FNDC4: variants seen among roughly 807,000 people sequenced by gnomAD.
FNDC4 encodes fibronectin type III domain containing 4, also known as fibronectin type III domain-containing protein 4.
A neutral mutation model predicts 25.1 loss-of-function variants in FNDC4; 11 were observed. The observed-to-expected ratio is 0.44, with a 90% CI of 0.28 to 0.73. FNDC4 has a LOEUF of 0.73. Ranked by LOEUF, FNDC4 falls within the 30% of genes least tolerant of loss-of-function variation. The probability of loss-of-function intolerance (pLI) is 0.16; values close to 1 mark genes in which losing one functional copy is unlikely to be tolerated. For missense variants in FNDC4, 250 were observed against 304.3 expected (o/e 0.82, Z 1.33); for synonymous variants, 136 against 118.8 (o/e 1.14, Z -0.94).
Position 27,494,214 on chromosome 2 carries a change from C to A in FNDC4, c.250-80G>T. On this transcript the variant is annotated intron_variant, in intron 3 of 6. Coordinates refer to ENST00000264703, the MANE Select transcript of FNDC4 (RefSeq NM_022823.3). The surrounding 1 kb of genome is among the most constrained non-coding windows in gnomAD (Gnocchi z 4.6). ...GGCTCAACCAGAGACTCTTCAACAT[C>A]CAAGCACTCCGGGGGAGTAGCGTGA... The A allele has an allele frequency of 1.4e-6, 2 of 1,461,764 alleles. No homozygotes were observed. Among genetic ancestry groups the A allele is most frequent in the Admixed American group, 1.9e-5 (1 of 53,500 alleles). 90.5% of individuals were successfully genotyped at this position (1,461,764 alleles called of 1,614,324 possible).
intron 4 of FNDC4, 48 bp downstream of exon 4, chr2:27,493,882 C>T (rs1669316584): frequency 6.4e-7 from 1 of 1,563,662 alleles, no homozygotes; most frequent in East Asian, 2.2e-5. Flanking sequence ...AAGTAAGAGG[C>T]TGCAAGCCAG....
chr2:27,494,757 TCGGGGGGCAGCAGC>T lies in FNDC4; in HGVS notation c.-24-68_-24-55del. Reference sequence around the variant, plus strand: ...AAGGACTGCCCAGAACGCACGGAGGTCGGGGGGCAGCAGCTCTCCTGGGCTCCCCACAGCTCACA... The same window carrying T: ...AAGGACTGCCCAGAACGCACGGAGGTTCTCCTGGGCTCCCCACAGCTCACA... On this transcript the variant is annotated intron_variant, in intron 1 of 6. Transcript: ENST00000264703. The surrounding 1 kb of genome is among the most constrained non-coding windows in gnomAD (Gnocchi z 4.6). 1.2e-6 allele frequency: 1 copy of T among 837,370 alleles called. No individual in the cohort carries two copies. The highest frequency in any genetic ancestry group is 1.8e-6 in the Non-Finnish European group (1 of 548,898). The allele number at this position is 837,370 out of a possible 1,614,324, so 51.9% of individuals were successfully genotyped here.
Position 27,494,483 on chromosome 2 carries a change from G to T in FNDC4, c.134-17C>A, listed in dbSNP as rs755817866. ...GAGGCCGGTCTGCGGGAGCCAGGGT[G>T]TTTAACAGGTTTCACCCATTGACTA... On this transcript the variant is annotated splice_polypyrimidine_tract_variant and intron_variant, in intron 2 of 6. Transcript: ENST00000264703. The surrounding 1 kb of genome is among the most constrained non-coding windows in gnomAD (Gnocchi z 4.6). 1.2e-6 allele frequency: 2 copies of T among 1,613,662 alleles called. No homozygotes were observed. The highest frequency in any genetic ancestry group is 1.7e-6 in the Non-Finnish European group (2 of 1,179,762).
Position 27,493,842 on chromosome 2 carries a change from C to A in FNDC4, c.454+88G>T. 9 of 1,204,996 alleles carry A rather than the reference C, an allele frequency of 7.5e-6. No individual in the cohort carries two copies. In the South Asian group the frequency reaches 1.0e-4, roughly 14 times the overall value. The allele number at this position is 1,204,996 out of a possible 1,614,324, so 74.6% of individuals were successfully genotyped here. A position where few individuals can be genotyped will look rare whatever the true frequency, so the allele number is the denominator to read the frequency against. On this transcript the variant is annotated intron_variant, in intron 4 of 6. Transcript: ENST00000264703. ...ATGAATTAAATCATCCTATTCAACT[C>A]AGCTAGTCTGTTGCTTGTCTTGGGG...
Position 27,492,416 on chromosome 2 carries a change from A to G in FNDC4, c.*27T>C, listed in dbSNP as rs1480690642. ...CATCCCTATCCCCAGTTGTTAGTGCATCTCTCTTCTGGGTGTGTTTCTTCA... is the reference window on the plus strand; with the variant it reads ...CATCCCTATCCCCAGTTGTTAGTGCGTCTCTCTTCTGGGTGTGTTTCTTCA... On this transcript the variant is annotated 3_prime_UTR_variant, in exon 7 of 7. Transcript: ENST00000264703. This position sits in a 1 kb window ranked among gnomAD's most constrained non-coding sequence, Gnocchi z 4.1. 3 of 1,613,708 alleles carry G rather than the reference A, an allele frequency of 1.9e-6. No individual in the cohort carries two copies. Among genetic ancestry groups the G allele is most frequent in the Admixed American group, 3.3e-5 (2 of 60,014 alleles).
In FNDC4 at chr2:27,493,922, A is replaced by C. The variant is rs747960631; in HGVS notation, c.454+8T>G. 1 of 1,613,634 alleles carries C rather than the reference A, an allele frequency of 6.2e-7. No homozygotes were observed. The highest frequency in any genetic ancestry group is 8.5e-7 in the Non-Finnish European group (1 of 1,179,622). The stretch of plus-strand genomic sequence containing the variant: ...GCAGCCAGAGAATCCAATAGCACAG[A>C]TCCTCACCTGGGCTTGAACTGTTTG... On this transcript the variant is annotated splice_region_variant and intron_variant, in intron 4 of 6. Coordinates refer to ENST00000264703, the MANE Select transcript of FNDC4 (RefSeq NM_022823.3).
chr2:27,493,865 G>A (rs1449634776), intron 4 of FNDC4, 65 bp downstream of exon 4: 2 of 1,421,950 alleles, frequency 1.4e-6, no homozygotes, highest in East Asian at 2.3e-5. Flanking sequence ...GCTTGTCTTG[G>A]GGAAGTAAGT....
chr2:27,492,845 T>C lies in FNDC4; in HGVS notation c.545-55A>G. ...CTCCACTTCCCCCCTCATAGGGAGA[T>C]ACCTACGTAGCTTCTAGAAAATCCA... is the stretch of plus-strand genomic sequence containing the variant. On this transcript the variant is annotated intron_variant, in intron 5 of 6. Transcript: ENST00000264703. This position sits in a 1 kb window ranked among gnomAD's most constrained non-coding sequence, Gnocchi z 4.1. The C allele has an allele frequency of 3.7e-6, 6 of 1,607,166 alleles. No homozygotes were observed. The highest frequency in any genetic ancestry group is 2.2e-5 in the South Asian group (2 of 90,970).
Position 27,492,461 on chromosome 2 carries a change from G to A in FNDC4, c.687C>T (p.Ile229=). ...TCTTCACTCAAACGTCGATGGTGTT[G>A]ATAGATGGTGACTTTTTCTGTGAAA... ...VGTRQKKSPS[I]NTIDV The change falls in exon 7 of 7, where the codon ATC becomes ATT. Residue 229 remains isoleucine (I), a synonymous_variant. Transcript: ENST00000264703. This position sits in a 1 kb window ranked among gnomAD's most constrained non-coding sequence, Gnocchi z 4.1. The A allele has an allele frequency of 6.2e-7, 1 of 1,614,120 alleles. No homozygotes were observed. Among genetic ancestry groups the A allele is most frequent in the African/African-American group, 1.3e-5 (1 of 75,032 alleles).
chr2:27,492,252 G>A lies in FNDC4; in HGVS notation c.*191C>T. The A allele has an allele frequency of 7.5e-6, 5 of 669,086 alleles. No individual in the cohort carries two copies. The South Asian group carries it at 8.9e-5, about 12-fold the overall frequency. 41.4% of individuals were successfully genotyped at this position (669,086 alleles called of 1,614,324 possible). On this transcript the variant is annotated 3_prime_UTR_variant, in exon 7 of 7. Coordinates refer to ENST00000264703, the MANE Select transcript of FNDC4 (RefSeq NM_022823.3). This position sits in a 1 kb window ranked among gnomAD's most constrained non-coding sequence, Gnocchi z 4.1. ...ATCTGATATCCACTCCCCAGGTCCA[G>A]GGGCACAGACTCTGAACAGACCTAC...
rs754521243 is a variant in FNDC4, at chr2:27,494,465, G to C, written c.135C>G (p.Asp45Glu). ...TCACATTCACAGGAGAGGGAGGCCG[G>C]TCTGCGGGAGCCAGGGTGTTTAACA... ...VSCDLGFVRA[D>E]RPPSPVNVTV... Residue 45 changes from aspartate to glutamate, a missense_variant and splice_region_variant, in exon 3 of 7, where the codon GAC becomes GAG. Asp to Glu is a conservative substitution (Grantham distance 45). Transcript: ENST00000264703. The surrounding 1 kb of genome is among the most constrained non-coding windows in gnomAD (Gnocchi z 4.6). 3.1e-6 allele frequency: 5 copies of C among 1,614,078 alleles called. No individual in the cohort carries two copies. Among genetic ancestry groups the C allele is most frequent in the Non-Finnish European group, 3.4e-6 (4 of 1,179,954 alleles).
At position 27,492,820 on chromosome 2, in the gene FNDC4, C is replaced by T. The variant is rs201723031; in HGVS notation, c.545-30G>A. The T allele has an allele frequency of 3.2e-5, 52 of 1,613,526 alleles. No individual in the cohort carries two copies. In the East Asian group the frequency reaches 1.1e-3, roughly 35 times the overall value. On this transcript the variant is annotated intron_variant, in intron 5 of 6. Coordinates refer to ENST00000264703, the MANE Select transcript of FNDC4 (RefSeq NM_022823.3). This position sits in a 1 kb window ranked among gnomAD's most constrained non-coding sequence, Gnocchi z 4.1. ...AACACAATACAGTCTGAGCCTTCAT[C>T]TCCACTTCCCCCCTCATAGGGAGAT...
chr2:27,493,686 C>T (rs1393255323), intron 4 of FNDC4, among the ~76,000 whole-genome samples: 2 of 152,234 alleles, frequency 1.3e-5, no homozygotes, highest in Non-Finnish European at 2.9e-5. Flanking sequence ...ATTACTCACT[C>T]ATGCAGGCTG....
In FNDC4 at chr2:27,494,763, G is replaced by A; in HGVS notation, c.-24-60C>T. On this transcript the variant is annotated intron_variant, in intron 1 of 6. Transcript: ENST00000264703. The surrounding 1 kb of genome is among the most constrained non-coding windows in gnomAD (Gnocchi z 4.6). ...TGCCCAGAACGCACGGAGGTCGGGG[G>A]GCAGCAGCTCTCCTGGGCTCCCCAC... 1.3e-6 allele frequency: 1 copy of A among 758,870 alleles called. No homozygotes were observed. Among genetic ancestry groups the A allele is most frequent in the Non-Finnish European group, 2.1e-6 (1 of 477,932 alleles). The allele number at this position is 758,870 out of a possible 1,614,324, so 47.0% of individuals were successfully genotyped here.
chr2:27,493,510 AG>A, intron 4 of FNDC4, 32 bp from the exon 5 acceptor site: 1 of 1,523,280 alleles, frequency 6.6e-7, no homozygotes, highest in Non-Finnish European at 9.1e-7. Flanking sequence ...GGCAGACTCC[AG>A]GTTACTGGGG....
At position 27,492,558 on chromosome 2, in the gene FNDC4, GATCTTCCATTCTCC is replaced by G. The variant is rs1435857751; in HGVS notation, c.669+94_670-81del. On this transcript the variant is annotated intron_variant, in intron 6 of 6. Transcript: ENST00000264703. The surrounding 1 kb of genome is among the most constrained non-coding windows in gnomAD (Gnocchi z 4.1). ...TTTCTCTCCAGCCTCCCCCATCCCA[GATCTTCCATTCTCC>G]ATCTTTTTCTGCCCCTCTTTGACCT... is the stretch of plus-strand genomic sequence containing the variant. 6.3e-7 allele frequency: 1 copy of G among 1,593,078 alleles called. No individual in the cohort carries two copies. Among genetic ancestry groups the G allele is most frequent in the Non-Finnish European group, 8.6e-7 (1 of 1,161,038 alleles).
chr2:27,494,560 G>A lies in FNDC4; in HGVS notation c.120C>T (p.Gly40=), dbSNP rs766163601. 9 of 1,612,558 alleles carry A rather than the reference G, an allele frequency of 5.6e-6. No homozygotes were observed. Among genetic ancestry groups the A allele is most frequent in the South Asian group, 1.1e-5 (1 of 90,770 alleles). ...TVLLLVSCDL[G]FVRADRPPSP... ...CCCTTTACTTACCTGCTCGCACGAA[G>A]CCCAGGTCACAGCTGACCAGCAGGA... The change falls in exon 2 of 7, where the codon GGC becomes GGT. Residue 40 remains glycine, a synonymous_variant. Transcript: ENST00000264703. The surrounding 1 kb of genome is among the most constrained non-coding windows in gnomAD (Gnocchi z 4.6).
At position 27,492,351 on chromosome 2, in the gene FNDC4, G is replaced by A; in HGVS notation, c.*92C>T. On this transcript the variant is annotated 3_prime_UTR_variant, in exon 7 of 7. Coordinates refer to ENST00000264703, the MANE Select transcript of FNDC4 (RefSeq NM_022823.3). This position sits in a 1 kb window ranked among gnomAD's most constrained non-coding sequence, Gnocchi z 4.1. Reference sequence around the variant, plus strand: ...TTGTGGGAGTGGCATTACCCTCTGGGAGTCTCGGGCAGATCACCATCTTGG... The same window carrying A: ...TTGTGGGAGTGGCATTACCCTCTGGAAGTCTCGGGCAGATCACCATCTTGG... The A allele has an allele frequency of 1.4e-6, 2 of 1,478,864 alleles. No homozygotes were observed. The highest frequency in any genetic ancestry group is 1.9e-6 in the Non-Finnish European group (2 of 1,057,096). 91.6% of individuals were successfully genotyped at this position (1,478,864 alleles called of 1,614,324 possible). A position where few individuals can be genotyped will look rare whatever the true frequency, so the allele number is the denominator to read the frequency against.
chr2:27,493,040 G>A lies in FNDC4; in HGVS notation c.545-250C>T, dbSNP rs545821145. On this transcript the variant is annotated intron_variant, in intron 5 of 6. Coordinates refer to ENST00000264703, the MANE Select transcript of FNDC4 (RefSeq NM_022823.3). ...TTTTTTTTTTTTGAGACAGAGTCTC[G>A]TTCTGTTGCCCAGGCTGGAGTGCAG... Among the ~76,000 whole-genome samples the A allele has an allele frequency of 3.0e-4, 37 of 123,282 alleles. No individual in the cohort carries two copies. In the Middle Eastern group the frequency reaches 0.04, roughly 133 times the overall value. 80.9% of individuals were successfully genotyped at this position (123,282 alleles called of 152,430 possible).
Sources: gnomAD v4.1 joint callset for allele counts (sites outside exome capture counted in the v4.1 genomes callset) on GRCh38, gnomAD v4.1.1 for gene constraint, Gnocchi (gnomAD v3.1) non-coding constraint, MANE v1.5 for transcripts, NCBI Gene and HGNC (gene_info 2026-07-23, HGNC 2026-07-21) for gene names.